Variants in PCDH15 observed in about 807,000 individuals in gnomAD.
PCDH15 encodes the protein protocadherin-15.
In PCDH15, 129 loss-of-function variants were observed where a neutral mutation model predicts 178.5. The ratio of observed to expected loss-of-function variants is 0.72; its 90% confidence interval spans 0.63 to 0.84. The LOEUF (loss-of-function observed/expected upper bound fraction) is 0.84. PCDH15 is among the 40% of genes least tolerant of loss of function. The pLI, the probability that PCDH15 is intolerant of heterozygous loss-of-function variation, is 0.00. For missense variants in PCDH15, 2,230 were observed against 2,099.9 expected, an observed-to-expected ratio of 1.06 and a Z score of -1.21; for synonymous variants, 800 against 732.0, an observed-to-expected ratio of 1.09 and a Z score of -1.50.
At chr10:53,850,395 A>C (rs2078279615) in intron 28 of PCDH15, among the ~76,000 whole-genome samples, 2 of 152,064 alleles carry the variant, frequency 1.3e-5, no homozygotes, top group South Asian at 4.2e-4. Context: ...TGATTTCTTT[A>C]ATCATAATTA....
chr10:54,136,384 C>A (rs1442077017), intron 14 of PCDH15, among the ~76,000 whole-genome samples: 3 of 148,202 alleles, frequency 2.0e-5, no homozygotes, highest in Non-Finnish European at 4.5e-5. Context: ...CAAGAGACTT[C>A]CTCACTGTTT....
intron 1 of PCDH15, among the ~76,000 whole-genome samples, chr10:55,194,411 A>G (rs1840026658): frequency 1.3e-5 from 2 of 152,098 alleles, no homozygotes; most frequent in Admixed American, 6.5e-5. Context: ...CCAATGTTAC[A>G]GGAGATGAAC....
chr10:55,552,810 G>C lies in PCDH15; in HGVS notation c.-156+74815C>G, dbSNP rs1037178976. Among the ~76,000 whole-genome samples, 5 of 151,482 alleles carry C rather than the reference G, an allele frequency of 3.3e-5. No homozygotes were observed. In the East Asian group the frequency reaches 9.7e-4, roughly 29 times the overall value. ...AAATATATGTACTAAAAGAGAAAAA[G>C]TAAGCAAATCATTTTTTGCCCCATA... On this transcript the variant is annotated intron_variant, in intron 2 of 5. Transcript: ENST00000613346.
At chr10:54,065,075 G>A (rs935633792) in intron 18 of PCDH15, among the ~76,000 whole-genome samples, 2 of 152,266 alleles carry the variant, frequency 1.3e-5, no homozygotes, top group South Asian at 4.2e-4. Flanking sequence ...GCCTGACTCA[G>A]TGCCCTTCTA....
At chr10:53,963,524 A>C (rs564172555) in intron 21 of PCDH15, among the ~76,000 whole-genome samples, 3 of 152,188 alleles carry the variant, frequency 2.0e-5, no homozygotes, top group African/African-American at 7.2e-5. Flanking sequence ...AATATCTTCT[A>C]TTTGTTCATA....
intron 2 of PCDH15, among the ~76,000 whole-genome samples, chr10:55,424,272 G>T (rs530535587): frequency 6.6e-6 from 1 of 152,052 alleles, no homozygotes; most frequent in South Asian, 2.1e-4. Flanking sequence ...CTTTGTGCTG[G>T]ATTTGAGGCA....
chr10:54,533,304 G>A (rs1408522653), intron 2 of PCDH15, among the ~76,000 whole-genome samples: 6 of 152,080 alleles, frequency 3.9e-5, no homozygotes, highest in African/African-American at 1.4e-4. Flanking sequence ...TTACTGTAAT[G>A]AGGAAAAAAT....
At chr10:55,427,752 A>T (rs112658392) in intron 2 of PCDH15, among the ~76,000 whole-genome samples, 1,530 of 152,280 alleles carry the variant, frequency 0.01, 25 homozygotes, top group African/African-American at 0.034. Flanking sequence ...GTCCAAATTC[A>T]TGTATAATCT....
At chr10:54,733,889 G>GT in intron 1 of PCDH15, among the ~76,000 whole-genome samples, 1 of 150,464 alleles carries the variant, frequency 6.6e-6, no homozygotes, top group Non-Finnish European at 1.5e-5. Context: ...ACCTCCAAAC[G>GT]TAAAAACAAA....
At chr10:54,524,049 G>T (rs2083142738) in intron 3 of PCDH15, among the ~76,000 whole-genome samples, 1 of 152,050 alleles carries the variant, frequency 6.6e-6, no homozygotes, top group Admixed American at 6.6e-5. Context: ...ATTGAACTTT[G>T]GTGCTTCCTC....
intron 37 of PCDH15, chr10:53,809,431 C>T: frequency 6.2e-7 from 1 of 1,613,992 alleles, no homozygotes; most frequent in Non-Finnish European, 8.5e-7. Flanking sequence ...GGCTCTCTTC[C>T]ATGTTGTGTA....
At chr10:54,600,652 C>T in intron 2 of PCDH15, 2 of 571,892 alleles carry the variant, frequency 3.5e-6, no homozygotes, top group Non-Finnish European at 6.7e-6. Flanking sequence ...ACTTCACATG[C>T]CGTAATAAAG....
At chr10:53,844,541 A>C (rs920799156) in intron 28 of PCDH15, among the ~76,000 whole-genome samples, 2 of 151,978 alleles carry the variant, frequency 1.3e-5, no homozygotes, top group African/African-American at 4.8e-5. Context: ...AGACACGTAC[A>C]CCAATGAAAC....
At chr10:53,809,232 A>G (rs747637442) in intron 37 of PCDH15, 2 of 1,613,894 alleles carry the variant, frequency 1.2e-6, no homozygotes, top group South Asian at 1.1e-5. Context: ...TGTATTCAGT[A>G]TAGTCGCTGG....
chr10:55,405,499 C>T (rs1267872195), intron 2 of PCDH15, among the ~76,000 whole-genome samples: 1 of 151,198 alleles, frequency 6.6e-6, no homozygotes, highest in Non-Finnish European at 1.5e-5. Context: ...ATGGAAGTTG[C>T]CTCTGTATAA....
chr10:54,053,936 G>A (rs1203872198), intron 18 of PCDH15, among the ~76,000 whole-genome samples: 1 of 152,082 alleles, frequency 6.6e-6, no homozygotes, highest in African/African-American at 2.4e-5. Context: ...GAGAGAGAAT[G>A]TGAGAAAAAT....
intron 2 of PCDH15, among the ~76,000 whole-genome samples, chr10:55,135,341 G>A (rs1468915066): frequency 6.6e-6 from 1 of 151,906 alleles, no homozygotes. Context: ...TAAGTAAGCA[G>A]ATAAGAAAGT....
intron 1 of PCDH15, among the ~76,000 whole-genome samples, chr10:54,790,314 A>G (rs1172079558): frequency 6.6e-6 from 1 of 151,474 alleles, no homozygotes; most frequent in African/African-American, 2.4e-5. Flanking sequence ...AAATCCACAC[A>G]CACATTTTTA....
intron 2 of PCDH15, among the ~76,000 whole-genome samples, chr10:55,621,330 A>G (rs1038667842): frequency 1.3e-5 from 2 of 152,186 alleles, no homozygotes; most frequent in African/African-American, 4.8e-5. Flanking sequence ...TAATTATTCA[A>G]AAAAGTCTGT....
Sources: gnomAD v4.1 joint callset for allele counts (sites outside exome capture counted in the v4.1 genomes callset) on GRCh38, gnomAD v4.1.1 for gene constraint, MANE v1.5 for transcripts, NCBI Gene and HGNC (gene_info 2026-07-23, HGNC 2026-07-21) for gene names.